The following BRWD3 variants were observed in gnomAD, a reference collection of about 807,000 sequenced individuals.
BRWD3 encodes the protein bromodomain and WD repeat-containing protein 3.
In BRWD3, 10 loss-of-function variants were observed where a neutral mutation model predicts 149.7. The observed-to-expected ratio is 0.07, with a 90% confidence interval of 0.04 to 0.11. The LOEUF is 0.11. BRWD3 is among the 10% of genes least tolerant of loss of function. The pLI, the probability that BRWD3 is intolerant of heterozygous loss-of-function variation, is 1.00. For missense variants in BRWD3, 940 were observed against 1,373.2 expected, an observed-to-expected ratio of 0.68 and a Z score of 4.99; for synonymous variants, 504 against 456.7, an observed-to-expected ratio of 1.10 and a Z score of -1.32.
chrX:80,686,759 AGAAAG>A (rs1036508449), intron 35 of BRWD3, 99 bp downstream of exon 35: 5 of 855,455 alleles, frequency 5.8e-6, no homozygotes, highest in Non-Finnish European at 8.4e-6. Context: ...CTGGAAAAAA[AGAAAG>A]GAAAGGAGAG....
intron 24 of BRWD3, among the ~76,000 whole-genome samples, chrX:80,702,895 C>T (rs2072810272): frequency 9.0e-6 from 1 of 111,228 alleles, no homozygotes; most frequent in African/African-American, 3.3e-5. Context: ...AGACAATATC[C>T]AAGCCAAAAA....
intron 20 of BRWD3, among the ~76,000 whole-genome samples, chrX:80,715,777 T>C (rs1477228442): frequency 8.9e-6 from 1 of 112,150 alleles, no homozygotes; most frequent in Non-Finnish European, 1.9e-5. Flanking sequence ...CAGAAATAGG[T>C]AGCAGAACTG....
rs368543370 is a variant in BRWD3 at position 80,725,062 on chromosome X, A to G, written c.1392T>C (p.His464=). 3 of 1,205,887 alleles carry G rather than the reference A, an allele frequency of 2.5e-6. No individual in the cohort carries two copies. Among genetic ancestry groups the G allele is most frequent in the Non-Finnish European group, 3.4e-6 (3 of 892,179 alleles). ...CTTCTAGAACGAATACTTCATCATCATGTCCCTATAATAAAAATCAGTATT... is the reference window on the plus strand; with the variant it reads ...CTTCTAGAACGAATACTTCATCATCGTGTCCCTATAATAAAAATCAGTATT... ...TGQLLHTLSG[H]DDEVFVLEAH... is the part of the protein sequence containing the mutation. The change falls in exon 15 of 41, where the codon CAT becomes CAC. Residue 464 remains histidine (H), a synonymous_variant. Coordinates refer to ENST00000373275, the MANE Select transcript of BRWD3 (RefSeq NM_153252.5).
intron 6 of BRWD3, among the ~76,000 whole-genome samples, chrX:80,764,950 T>C (rs1429024216): frequency 8.9e-6 from 1 of 111,882 alleles, no homozygotes; most frequent in Admixed American, 9.5e-5. Context: ...GCTAATTTTA[T>C]ATATCAATTT....
chrX:80,774,263 T>G (rs1215889737), intron 6 of BRWD3, among the ~76,000 whole-genome samples: 1 of 109,676 alleles, frequency 9.1e-6, no homozygotes, highest in Non-Finnish European at 1.9e-5. Context: ...ATTTTTTTAT[T>G]TTTTTATTTT....
rs1414934125 is a variant in BRWD3 at position 80,672,911 on chromosome X, T to G, written c.*3698A>C. ...TTGAAGATAAGTACCAGTTGGTAAA[T>G]GTACATAAAATGATTTCCAACATAC... On this transcript the variant is annotated 3_prime_UTR_variant, in exon 41 of 41. Coordinates refer to ENST00000373275, the MANE Select transcript of BRWD3 (RefSeq NM_153252.5). 8.9e-6 allele frequency: 1 copy of G among 112,103 alleles called. No individual in the cohort carries two copies. Among genetic ancestry groups the G allele is most frequent in the Non-Finnish European group, 1.9e-5 (1 of 53,204 alleles). The allele number at this position is 112,103 out of a possible 1,213,427, so 9.2% of individuals were successfully genotyped here.
intron 34 of BRWD3, 68 bp downstream of exon 34, chrX:80,688,001 G>T: frequency 1.3e-6 from 1 of 793,581 alleles, no homozygotes; most frequent in Non-Finnish European, 1.9e-6. Flanking sequence ...ATATGGGGTT[G>T]GTCTTAGGGA....
At chrX:80,758,935 T>G (rs1008149823) in intron 6 of BRWD3, among the ~76,000 whole-genome samples, 6 of 112,117 alleles carry the variant, frequency 5.4e-5, no homozygotes, top group African/African-American at 1.6e-4. Context: ...ATACTTCTCT[T>G]TCCTAATATC....
chrX:80,809,737 AG>A lies in BRWD3; in HGVS notation c.-267del, dbSNP rs2074391404. The A allele has an allele frequency of 2.2e-4, 2 of 9,232 alleles. No homozygotes were observed. Among genetic ancestry groups the A allele is most frequent in the Non-Finnish European group, 1.6e-3 (1 of 608 alleles). 0.8% of individuals were successfully genotyped at this position (9,232 alleles called of 1,213,427 possible). ...TGAGTGAGTGAGAGAGAGAGAGAGA[AG>A]AGAGAGAGAGAGAGAGGAAAAAGAG... On this transcript the variant is annotated 5_prime_UTR_variant, in exon 1 of 41. Coordinates refer to ENST00000373275, the MANE Select transcript of BRWD3 (RefSeq NM_153252.5).
Position 80,676,411 on chromosome X carries a change from CTAA to C in BRWD3, c.*195_*197del, listed in dbSNP as rs1170103670. On this transcript the variant is annotated 3_prime_UTR_variant, in exon 41 of 41. Transcript: ENST00000373275. ...GGCAGAATTTCTTTTAATTTAAGGC[CTAA>C]TGAGTAAGGCTTATTTGAACAAATG... 2 of 493,861 alleles carry C rather than the reference CTAA, an allele frequency of 4.0e-6. No individual in the cohort carries two copies. Among genetic ancestry groups the C allele is most frequent in the African/African-American group, 4.9e-5 (2 of 40,897 alleles). 40.7% of individuals were successfully genotyped at this position (493,861 alleles called of 1,213,427 possible).
At chrX:80,729,794 A>G in intron 13 of BRWD3, 122 bp downstream of exon 13, 1 of 534,367 alleles carries the variant, frequency 1.9e-6, no homozygotes, top group Non-Finnish European at 3.2e-6. Context: ...ACAGATGCAA[A>G]CTTCATGTCT....
At position 80,808,652 on chromosome X, in the gene BRWD3, G is replaced by A. The variant is rs775334440; in HGVS notation, c.121-54C>T. On this transcript the variant is annotated intron_variant, in intron 3 of 40. Coordinates refer to ENST00000373275, the MANE Select transcript of BRWD3 (RefSeq NM_153252.5). ...AGCGGAGGCAAATGATGAAGGAAAA[G>A]CCTCCGCTCCCCATCAACTGGACCC... 3 of 1,075,385 alleles carry A rather than the reference G, an allele frequency of 2.8e-6. No individual in the cohort carries two copies. The East Asian group carries it at 9.2e-5, about 33-fold the overall frequency. The allele number at this position is 1,075,385 out of a possible 1,213,427, so 88.6% of individuals were successfully genotyped here.
chrX:80,747,983 T>A (rs948976169), intron 6 of BRWD3, among the ~76,000 whole-genome samples: 2 of 111,357 alleles, frequency 1.8e-5, no homozygotes, highest in African/African-American at 6.5e-5. Flanking sequence ...AGACTTCCTG[T>A]GCTACATTGA....
chrX:80,715,090 G>A (rs373110888), intron 20 of BRWD3, among the ~76,000 whole-genome samples: 1 of 110,622 alleles, frequency 9.0e-6, no homozygotes, highest in East Asian at 2.8e-4. Flanking sequence ...TTCAACCTAA[G>A]TAAAAATATC....
chrX:80,695,260 T>C, intron 27 of BRWD3, among the ~76,000 whole-genome samples: 1 of 111,930 alleles, frequency 8.9e-6, no homozygotes, highest in Non-Finnish European at 1.9e-5. Context: ...AAATGATTTT[T>C]TCTTTATAAA....
Position 80,682,259 on chromosome X carries a change from A to G in BRWD3, c.4398-165T>C, listed in dbSNP as rs555247648. 8.1e-5 allele frequency among the ~76,000 whole-genome samples: 9 copies of G among 111,769 alleles called. No individual in the cohort carries two copies. The South Asian group carries it at 3.3e-3, about 42-fold the overall frequency. ...ATAATTTGACAGTGAAACTTCAATC[A>G]TTAAAATTTAAAAAAAGTTTCTGGG... On this transcript the variant is annotated intron_variant, in intron 38 of 40. Transcript: ENST00000373275.
chrX:80,734,665 A>G (rs780935738), intron 10 of BRWD3, among the ~76,000 whole-genome samples: 1 of 110,400 alleles, frequency 9.1e-6, no homozygotes, highest in East Asian at 2.8e-4. Flanking sequence ...AAGAATGGCT[A>G]AAATGATAAA....
At chrX:80,738,265 TGGATTGTTTAATAAAATCAGGTTAC>T (rs2147781353) in intron 8 of BRWD3, among the ~76,000 whole-genome samples, 1 of 112,357 alleles carries the variant, frequency 8.9e-6, no homozygotes, top group Non-Finnish European at 1.9e-5. Flanking sequence ...AATCGTGTTA[TGGATTGTTTAATAAAATCAGGTTAC>T]GGATTGTTTA....
chrX:80,725,480 G>C (rs1251558063), intron 14 of BRWD3, among the ~76,000 whole-genome samples: 1 of 112,126 alleles, frequency 8.9e-6, no homozygotes, highest in African/African-American at 3.2e-5. Context: ...TTGTATTTTA[G>C]TAGGTCCCAT....
Sources: allele counts gnomAD v4.1 joint callset (sites outside exome capture counted in the v4.1 genomes callset), GRCh38; gene constraint gnomAD v4.1.1; transcripts MANE v1.5; gene names NCBI Gene and HGNC (gene_info 2026-07-23, HGNC 2026-07-21).